The following ZFPM2 variants were observed in gnomAD, a reference collection of about 807,000 sequenced individuals.
ZFPM2 encodes the protein zinc finger protein ZFPM2.
ZFPM2 carries 20 observed loss-of-function variants against 98.6 expected under a neutral mutation model. The ratio of observed to expected loss-of-function variants is 0.20; its 90% CI spans 0.14 to 0.29. The LOEUF (loss-of-function observed/expected upper bound fraction) is 0.29, where lower values mean the gene tolerates loss of function less well. ZFPM2 is among the 10% of genes least tolerant of loss of function. ZFPM2 has a pLI of 1.00. For missense variants in ZFPM2, 1,310 were observed against 1,388.6 expected, an observed-to-expected ratio of 0.94 and a Z score of 0.90; for synonymous variants, 518 against 502.7, an observed-to-expected ratio of 1.03 and a Z score of -0.41.
At chr8:105,686,833 T>C (rs1810748547) in intron 5 of ZFPM2, among the ~76,000 whole-genome samples, 1 of 152,174 alleles carries the variant, frequency 6.6e-6, no homozygotes, top group Admixed American at 6.5e-5. Flanking sequence ...CACATGCCTT[T>C]TAGTTTTTAT....
chr8:105,533,301 A>G (rs1814336366), intron 3 of ZFPM2, among the ~76,000 whole-genome samples: 1 of 152,138 alleles, frequency 6.6e-6, no homozygotes, highest in South Asian at 2.1e-4. Context: ...ATAGATTTTG[A>G]TGAAAGCTGT....
chr8:105,602,445 A>G (rs1322573445), intron 4 of ZFPM2, among the ~76,000 whole-genome samples: 3 of 152,130 alleles, frequency 2.0e-5, no homozygotes, highest in African/African-American at 7.2e-5. Flanking sequence ...AAGCCGAATT[A>G]TAACTGTTCC....
At chr8:105,746,968 A>G (rs1812363308) in intron 5 of ZFPM2, among the ~76,000 whole-genome samples, 2 of 152,108 alleles carry the variant, frequency 1.3e-5, no homozygotes, top group South Asian at 4.1e-4. Context: ...TCTGAAATAT[A>G]TGGGTGCTTA....
intron 3 of ZFPM2, among the ~76,000 whole-genome samples, chr8:105,515,447 A>T (rs527923704): frequency 1.3e-5 from 2 of 152,330 alleles, no homozygotes; most frequent in African/African-American, 4.8e-5. Context: ...AAGAAGTAAG[A>T]TTAAAAGCTC....
At chr8:105,589,086 G>A (rs1160272038) in intron 4 of ZFPM2, among the ~76,000 whole-genome samples, 1 of 152,164 alleles carries the variant, frequency 6.6e-6, no homozygotes, top group Non-Finnish European at 1.5e-5. Context: ...CTCAATGAAG[G>A]GTGAGAGAAA....
intron 5 of ZFPM2, among the ~76,000 whole-genome samples, chr8:105,655,223 C>CTTTTTTTTT (rs34262627): frequency 9.2e-5 from 7 of 76,100 alleles, no homozygotes; most frequent in Non-Finnish European, 1.5e-4. Context: ...TGCATTGAGT[C>CTTTTTTTTT]TTTTTTTTTT....
intron 3 of ZFPM2, among the ~76,000 whole-genome samples, chr8:105,525,480 A>G (rs1196494582): frequency 6.6e-6 from 1 of 152,186 alleles, no homozygotes; most frequent in Non-Finnish European, 1.5e-5. Context: ...TTTAGGATTA[A>G]ACAGTGATTT....
intron 5 of ZFPM2, among the ~76,000 whole-genome samples, chr8:105,753,494 T>C (rs1812523285): frequency 6.6e-6 from 1 of 152,116 alleles, no homozygotes; most frequent in Admixed American, 6.6e-5. Context: ...CTACTAGAGC[T>C]GAATTATTTT....
rs1554604988 is a variant in ZFPM2, at chr8:105,441,478, G to GAAAGAAAGAAAGAAAA, written c.200-2787_200-2786insAAAAGAAAGAAAGAAA. ...AGAAAGAAAGAAAGAAAGAAAGAAA[G>GAAAGAAAGAAAGAAAA]AAAGAAAGAAAGAAAGAAAGAAATC... On this transcript the variant is annotated intron_variant, in intron 2 of 7. Transcript: ENST00000407775. Among the ~76,000 whole-genome samples the GAAAGAAAGAAAGAAAA allele has an allele frequency of 1.8e-4, 13 of 71,582 alleles. 1 individual carries two copies. The East Asian group carries it at 2.9e-3, about 16-fold the overall frequency. The allele number at this position is 71,582 out of a possible 152,430, so 47.0% of individuals were successfully genotyped here. A position where few individuals can be genotyped will look rare whatever the true frequency, so the allele number is the denominator to read the frequency against.
At chr8:105,599,350 T>C (rs1487571003) in intron 4 of ZFPM2, among the ~76,000 whole-genome samples, 1 of 149,894 alleles carries the variant, frequency 6.7e-6, no homozygotes, top group African/African-American at 2.5e-5. Context: ...AAACCTCCCA[T>C]CTGCTTGTCA....
intron 5 of ZFPM2, among the ~76,000 whole-genome samples, chr8:105,742,456 G>A (rs1465472840): frequency 2.6e-5 from 4 of 151,042 alleles, no homozygotes; most frequent in South Asian, 2.1e-4. Flanking sequence ...GGTATAGTTT[G>A]AGAATGGGAT....
intron 3 of ZFPM2, among the ~76,000 whole-genome samples, chr8:105,518,328 T>G (rs761665131): frequency 4.6e-5 from 7 of 152,186 alleles, no homozygotes; most frequent in Non-Finnish European, 8.8e-5. Flanking sequence ...ATAGATACAA[T>G]TATACTTCAT....
intron 2 of ZFPM2, among the ~76,000 whole-genome samples, chr8:105,431,395 G>A (rs1812017805): frequency 6.6e-6 from 1 of 152,214 alleles, no homozygotes; most frequent in South Asian, 2.1e-4. Flanking sequence ...GGCAGTCAGT[G>A]CATTCAACAT....
At chr8:105,786,787 A>G (rs926474731) in intron 5 of ZFPM2, among the ~76,000 whole-genome samples, 1 of 152,208 alleles carries the variant, frequency 6.6e-6, no homozygotes, top group African/African-American at 2.4e-5. Flanking sequence ...CTTATAGCTT[A>G]CCACAGTGAT....
chr8:105,404,750 A>G (rs1009264754), intron 1 of ZFPM2, among the ~76,000 whole-genome samples: 3 of 152,094 alleles, frequency 2.0e-5, no homozygotes, highest in Admixed American at 1.3e-4. Context: ...TGTGTGTGGA[A>G]TCCTGGTAGA....
At chr8:105,612,223 G>C (rs766695252) in intron 4 of ZFPM2, among the ~76,000 whole-genome samples, 6 of 152,150 alleles carry the variant, frequency 3.9e-5, no homozygotes, top group African/African-American at 9.6e-5. Context: ...TTTGAGAAAT[G>C]CCATCTTAAA....
At chr8:105,624,492 C>A (rs1425929427) in intron 4 of ZFPM2, among the ~76,000 whole-genome samples, 1 of 152,044 alleles carries the variant, frequency 6.6e-6, no homozygotes, top group African/African-American at 2.4e-5. Context: ...TCTATTCTTT[C>A]TGGAAAATGA....
chr8:105,623,471 G>T (rs1218257059), intron 4 of ZFPM2, among the ~76,000 whole-genome samples: 1 of 152,170 alleles, frequency 6.6e-6, no homozygotes, highest in East Asian at 1.9e-4. Flanking sequence ...ATAATTAAAA[G>T]AAAATTGTAT....
chr8:105,428,144 G>C (rs1811951755), intron 2 of ZFPM2, among the ~76,000 whole-genome samples: 1 of 152,174 alleles, frequency 6.6e-6, no homozygotes, highest in African/African-American at 2.4e-5. Flanking sequence ...CTTGTAGAAG[G>C]AGGGAGAGGA....
Sources: gnomAD v4.1 joint callset for allele counts (sites outside exome capture counted in the v4.1 genomes callset) on GRCh38, gnomAD v4.1.1 for gene constraint, MANE v1.5 for transcripts, NCBI Gene and HGNC (gene_info 2026-07-23, HGNC 2026-07-21) for gene names.